CTNNA2: variants seen among roughly 807,000 people sequenced by gnomAD.
CTNNA2 encodes catenin alpha 2.
CTNNA2 carries 42 observed loss-of-function variants against 101.0 expected under a neutral mutation model. The ratio of observed to expected loss-of-function variants is 0.42; its 90% CI spans 0.32 to 0.54. CTNNA2 has a LOEUF of 0.54. CTNNA2 is among the 20% of genes least tolerant of loss of function. CTNNA2 has a pLI of 0.14. For synonymous variants in CTNNA2, 450 were observed against 456.4 expected, an observed-to-expected ratio of 0.99 and a Z score of 0.18; for missense variants, 871 against 1,223.1, an observed-to-expected ratio of 0.71 and a Z score of 4.29.
intron 7 of CTNNA2, among the ~76,000 whole-genome samples, chr2:79,930,304 GAAAGAAAGAA>G (rs1558650961): frequency 1.8e-5 from 1 of 55,112 alleles, no homozygotes; most frequent in Admixed American, 2.0e-4. Context: ...GAGAAAGAAA[GAAAGAAAGAA>G]AGAAAGAAAG....
chr2:80,031,982 T>G (rs1328849093), intron 7 of CTNNA2, among the ~76,000 whole-genome samples: 2 of 152,226 alleles, frequency 1.3e-5, no homozygotes, highest in African/African-American at 4.8e-5. Flanking sequence ...AAATCTGTTT[T>G]GAAGGTGACT....
chr2:80,216,326 T>A (rs576700890), intron 7 of CTNNA2, among the ~76,000 whole-genome samples: 39 of 152,300 alleles, frequency 2.6e-4, no homozygotes, highest in Admixed American at 9.8e-4. Context: ...AAATGACCCA[T>A]CTTCTGCATC....
At chr2:80,545,733 A>G (rs1283340235) in intron 10 of CTNNA2, among the ~76,000 whole-genome samples, 174 bp from the exon 11 acceptor site, 3 of 152,174 alleles carry the variant, frequency 2.0e-5, no homozygotes, top group African/African-American at 7.2e-5. Flanking sequence ...ACAAAAATTA[A>G]TGGTAGTTGA....
intron 7 of CTNNA2, among the ~76,000 whole-genome samples, chr2:80,035,081 A>G (rs1695562767): frequency 2.0e-5 from 3 of 152,236 alleles, no homozygotes; most frequent in Admixed American, 1.3e-4. Flanking sequence ...CATACAAATG[A>G]ACATTATGTA....
intron 2 of CTNNA2, among the ~76,000 whole-genome samples, chr2:79,291,385 T>G (rs2104379380): frequency 6.6e-6 from 1 of 152,332 alleles, no homozygotes; most frequent in African/African-American, 2.4e-5. Context: ...CCAGGAATTC[T>G]TCCATCTTCT....
intron 4 of CTNNA2, among the ~76,000 whole-genome samples, chr2:79,409,138 T>C (rs891112611): frequency 9.9e-5 from 15 of 152,012 alleles, no homozygotes; most frequent in African/African-American, 3.6e-4. Context: ...CCACTTTTTG[T>C]TGGGGTTGTT....
At position 80,639,856 on chromosome 2, in the gene CTNNA2, A is replaced by G. The variant is rs1218804401; in HGVS notation, c.2575-7729A>G. 3.3e-5 allele frequency among the ~76,000 whole-genome samples: 5 copies of G among 152,120 alleles called. No individual in the cohort carries two copies. The East Asian group carries it at 9.7e-4, about 29-fold the overall frequency. ...GGTGGCTCACGCCTGTAATTCCAGC[A>G]CTTTGGGAGGTCGAGGTGGGCAGAT... On this transcript the variant is annotated intron_variant, in intron 18 of 18. Coordinates refer to ENST00000402739, the MANE Select transcript of CTNNA2 (RefSeq NM_001282597.3).
intron 12 of CTNNA2, among the ~76,000 whole-genome samples, chr2:80,573,542 C>T (rs1694784837): frequency 6.6e-6 from 1 of 152,056 alleles, no homozygotes; most frequent in African/African-American, 2.4e-5. Context: ...TCCACCCTCC[C>T]CTCCCCCATG....
intron 6 of CTNNA2, among the ~76,000 whole-genome samples, chr2:79,900,936 T>C (rs1334885277): frequency 6.6e-6 from 1 of 152,156 alleles, no homozygotes; most frequent in East Asian, 1.9e-4. Context: ...ACACGTACTA[T>C]GTAGCCTTAA....
chr2:79,865,436 T>G (rs12613937), intron 4 of CTNNA2, among the ~76,000 whole-genome samples: 32,407 of 152,152 alleles, frequency 0.21, 3,912 homozygotes, highest in East Asian at 0.58. Flanking sequence ...TATGATCCAT[T>G]AAATAGTTTT....
At chr2:79,834,812 G>T (rs1279011510) in intron 3 of CTNNA2, among the ~76,000 whole-genome samples, 1 of 151,764 alleles carries the variant, frequency 6.6e-6, no homozygotes, top group Non-Finnish European at 1.5e-5. Context: ...TAAATATTTT[G>T]CTAAATGTTT....
intron 15 of CTNNA2, among the ~76,000 whole-genome samples, chr2:80,601,285 T>G (rs1558633137): frequency 6.6e-6 from 1 of 152,150 alleles, no homozygotes. Flanking sequence ...ATCAATATTA[T>G]GTAACTGAAT....
chr2:80,487,161 A>T (rs1395588974), intron 9 of CTNNA2, among the ~76,000 whole-genome samples: 1 of 151,654 alleles, frequency 6.6e-6, no homozygotes, highest in East Asian at 1.9e-4. Context: ...CACACCTGTA[A>T]TCCCAGCTAC....
chr2:80,631,380 T>C (rs1444334502), intron 18 of CTNNA2, among the ~76,000 whole-genome samples: 2 of 151,512 alleles, frequency 1.3e-5, no homozygotes, highest in South Asian at 2.1e-4. Flanking sequence ...TTTTTTTTTT[T>C]AGCAACACTA....
chr2:79,243,007 C>CACACACACACACACACAT (rs1674651544), intron 2 of CTNNA2, among the ~76,000 whole-genome samples: 1 of 142,680 alleles, frequency 7.0e-6, no homozygotes, highest in African/African-American at 2.6e-5. Context: ...CACACACACA[C>CACACACACACACACACAT]ACACACACAC....
chr2:79,691,605 T>C (rs1353423694), intron 2 of CTNNA2, among the ~76,000 whole-genome samples: 1 of 151,934 alleles, frequency 6.6e-6, no homozygotes, highest in African/African-American at 2.4e-5. Flanking sequence ...GAAAGCATCA[T>C]GCTACCTGAC....
At chr2:80,505,321 T>C (rs758314779) in intron 9 of CTNNA2, among the ~76,000 whole-genome samples, 32 of 152,208 alleles carry the variant, frequency 2.1e-4, no homozygotes, top group Non-Finnish European at 3.2e-4. Context: ...TTGGTTTGCC[T>C]AAAGGCATTT....
At chr2:80,100,217 A>G (rs557315164) in intron 7 of CTNNA2, among the ~76,000 whole-genome samples, 1 of 152,296 alleles carries the variant, frequency 6.6e-6, no homozygotes, top group East Asian at 1.9e-4. Context: ...TACAGATGTG[A>G]GCCACTGCTC....
At chr2:80,043,142 C>T in intron 7 of CTNNA2, among the ~76,000 whole-genome samples, 10 of 56,244 alleles carry the variant, frequency 1.8e-4, no homozygotes, top group South Asian at 4.2e-4. Context: ...TCCTTCCTTC[C>T]TTCCTTCCTT....
Sources: allele counts gnomAD v4.1 joint callset (sites outside exome capture counted in the v4.1 genomes callset), GRCh38; gene constraint gnomAD v4.1.1; transcripts MANE v1.5; gene names NCBI Gene and HGNC (gene_info 2026-07-23, HGNC 2026-07-21).